MTMR12: variants seen among roughly 807,000 people sequenced by gnomAD.
MTMR12 encodes myotubularin-related protein 12.
MTMR12 carries 33 observed loss-of-function variants against 96.7 expected under a neutral mutation model. The ratio of observed to expected loss-of-function variants is 0.34; its 90% CI spans 0.26 to 0.46. MTMR12 has a LOEUF of 0.46. Among genes scored for constraint, MTMR12 ranks in the 20% least tolerant of loss-of-function variants. The pLI is 1.00. For missense variants in MTMR12, 721 were observed against 896.1 expected (o/e 0.80, Z 2.49); for synonymous variants, 298 against 327.2 (o/e 0.91, Z 0.96).
At chr5:32,245,789 C>A (rs186941792) in intron 10 of MTMR12, among the ~76,000 whole-genome samples, 2 of 152,014 alleles carry the variant, frequency 1.3e-5, no homozygotes, top group African/African-American at 4.8e-5. Flanking sequence ...GATCACACCA[C>A]TGCACTCCAG....
At chr5:32,242,675 C>A (rs982090155) in intron 11 of MTMR12, among the ~76,000 whole-genome samples, 4 of 151,812 alleles carry the variant, frequency 2.6e-5, no homozygotes, top group African/African-American at 7.3e-5. Context: ...TCCTACCCCC[C>A]AGCCACCTTC....
Position 32,230,385 on chromosome 5 carries a change from A to C in MTMR12, c.1675-38T>G, listed in dbSNP as rs1001540919. Reference sequence around the variant, plus strand: ...ACACAAATAAAAATCACTGGTTAACATAACAGGCACAGTTAACAGCTGTTA... The same window carrying C: ...ACACAAATAAAAATCACTGGTTAACCTAACAGGCACAGTTAACAGCTGTTA... On this transcript the variant is annotated intron_variant, in intron 15 of 15. Coordinates refer to ENST00000382142, the MANE Select transcript of MTMR12 (RefSeq NM_001040446.3). 3.9e-6 allele frequency: 6 copies of C among 1,531,670 alleles called. No homozygotes were observed. In the African/African-American group the frequency reaches 8.3e-5, roughly 21 times the overall value. The allele number at this position is 1,531,670 out of a possible 1,614,324, so 94.9% of individuals were successfully genotyped here.
rs1277261435 is a variant in MTMR12 at position 32,274,048 on chromosome 5, C to T, written c.217G>A (p.Gly73Arg). 1 of 1,614,192 alleles carries T rather than the reference C, an allele frequency of 6.2e-7. No homozygotes were observed. Among genetic ancestry groups the T allele is most frequent in the Non-Finnish European group, 8.5e-7 (1 of 1,180,034 alleles). ...TTGAAGTCTGTGCAGACAAGCCTCC[C>T]ATAGACCCCATGCTGACAGGAATCT... is the stretch of plus-strand genomic sequence containing the variant. Reference protein sequence around the residue: ...QEDSCQHGVYGRLVCTDFKIA... With the variant: ...QEDSCQHGVYRRLVCTDFKIA... Residue 73 changes from glycine (G) to arginine (R), a missense_variant, in exon 3 of 16, where the codon GGG becomes AGG. By Grantham distance (125) the Gly-to-Arg change is moderately radical. Transcript: ENST00000382142.
intron 1 of MTMR12, among the ~76,000 whole-genome samples, chr5:32,293,119 AT>A (rs1285259388): frequency 1.3e-5 from 2 of 152,188 alleles, no homozygotes; most frequent in Non-Finnish European, 2.9e-5. Flanking sequence ...TTTGAAGATT[AT>A]GTGTGATCTC....
At chr5:32,271,029 A>G in intron 4 of MTMR12, 82 bp from the exon 5 acceptor site, 2 of 1,425,762 alleles carry the variant, frequency 1.4e-6, no homozygotes, top group Non-Finnish European at 1.9e-6. Flanking sequence ...GTAGATGATC[A>G]ACTTCTAGGG....
chr5:32,272,245 C>T (rs1044013597), intron 3 of MTMR12, among the ~76,000 whole-genome samples: 10 of 151,854 alleles, frequency 6.6e-5, no homozygotes, highest in South Asian at 6.3e-4. Flanking sequence ...CAGCCGAGAT[C>T]GCACCACTGC....
At position 32,276,720 on chromosome 5, in the gene MTMR12, T is replaced by C. The variant is rs1335689278; in HGVS notation, c.104A>G (p.Glu35Gly). 5.6e-6 allele frequency: 9 copies of C among 1,613,964 alleles called. No homozygotes were observed. Among genetic ancestry groups the C allele is most frequent in the East Asian group, 2.2e-5 (1 of 44,860 alleles). Residue 35 changes from glutamate (E) to glycine (G), a missense_variant, in exon 2 of 16, where the codon GAA becomes GGA. Physicochemically the swap from Glu to Gly is moderately conservative, Grantham distance 98. Transcript: ENST00000382142. ...AAGAGTTACTTCCTTCTCTGTTACT[T>C]CCTTTTCGTTTGTGTGAATTTCCTA... is the stretch of plus-strand genomic sequence containing the variant. The part of the protein sequence containing the change: ...RPEEIHTNEK[E>G]VTEKEVTLHL...
chr5:32,266,056 G>A (rs1022423502), intron 6 of MTMR12, among the ~76,000 whole-genome samples: 1 of 151,986 alleles, frequency 6.6e-6, no homozygotes, highest in Admixed American at 6.6e-5. Context: ...CAATCCCTCT[G>A]CCCAAAATAC....
chr5:32,248,698 T>C (rs1581600042), intron 9 of MTMR12, 74 bp downstream of exon 9: 3 of 1,117,590 alleles, frequency 2.7e-6, no homozygotes, highest in East Asian at 2.4e-5. Flanking sequence ...GAAATAGACA[T>C]ACTACTAAGA....
intron 8 of MTMR12, among the ~76,000 whole-genome samples, chr5:32,250,750 A>G (rs1000716536): frequency 1.3e-5 from 2 of 152,264 alleles, no homozygotes; most frequent in South Asian, 2.1e-4. Flanking sequence ...CTCATTTTCC[A>G]TCTGGGGCAC....
Position 32,228,372 on chromosome 5 carries a change from G to A in MTMR12, c.*1406C>T, listed in dbSNP as rs1186666670. ...CATTCAAATTGGGATCCATACTGAA[G>A]AGCAAATATATGTAAAAGGCGAACA... On this transcript the variant is annotated 3_prime_UTR_variant, in exon 16 of 16. Transcript: ENST00000382142. 1 of 151,604 alleles carries A rather than the reference G, an allele frequency of 6.6e-6. No individual in the cohort carries two copies. Among genetic ancestry groups the A allele is most frequent in the African/African-American group, 2.4e-5 (1 of 41,230 alleles). The allele number at this position is 151,604 out of a possible 1,614,324, so 9.4% of individuals were successfully genotyped here. A position where few individuals can be genotyped will look rare whatever the true frequency, so the allele number is the denominator to read the frequency against.
At chr5:32,280,674 G>A (rs1380050528) in intron 1 of MTMR12, among the ~76,000 whole-genome samples, 1 of 152,112 alleles carries the variant, frequency 6.6e-6, no homozygotes, top group Non-Finnish European at 1.5e-5. Flanking sequence ...ACTAAAAACA[G>A]AAAGAATACC....
At chr5:32,279,094 AAAAAAAAAAAAAAAAAAAAAAG>A (rs1750180483) in intron 1 of MTMR12, among the ~76,000 whole-genome samples, 1 of 65,652 alleles carries the variant, frequency 1.5e-5, no homozygotes, top group Admixed American at 1.5e-4. Context: ...AAAAAAAAAA[AAAAAAAAAAAAAAAAAAAAAAG>A]TAAGTTATGG....
At chr5:32,249,896 C>G (rs1483251912) in intron 8 of MTMR12, among the ~76,000 whole-genome samples, 1 of 152,166 alleles carries the variant, frequency 6.6e-6, no homozygotes, top group Non-Finnish European at 1.5e-5. Context: ...TGCATAAAGG[C>G]CTGGCTAAGT....
rs1371907495 is a variant in MTMR12, at chr5:32,274,059, T to C, written c.206A>G (p.His69Arg). ...LKYVQEDSCQ[H>R]GVYGRLVCTD... ...GCAGACAAGCCTCCCATAGACCCCA[T>C]GCTGACAGGAATCTTCCTGGACATA... The change falls in exon 3 of 16, where the codon CAT (histidine) becomes CGT (arginine). Residue 69 changes from histidine (H) to arginine (R), a missense_variant. By Grantham distance (29) the His-to-Arg change is conservative. Coordinates refer to ENST00000382142, the MANE Select transcript of MTMR12 (RefSeq NM_001040446.3). 12 of 1,614,158 alleles carry C rather than the reference T, an allele frequency of 7.4e-6. No homozygotes were observed. Among genetic ancestry groups the C allele is most frequent in the African/African-American group, 1.3e-5 (1 of 75,036 alleles).
At chr5:32,287,492 G>A (rs575181834) in intron 1 of MTMR12, among the ~76,000 whole-genome samples, 7 of 152,248 alleles carry the variant, frequency 4.6e-5, no homozygotes, top group African/African-American at 1.7e-4. Flanking sequence ...ACTACTGTGG[G>A]AACTTGTGAT....
intron 12 of MTMR12, among the ~76,000 whole-genome samples, chr5:32,239,515 G>A (rs1748380616): frequency 6.6e-6 from 1 of 152,206 alleles, no homozygotes; most frequent in Admixed American, 6.5e-5. Flanking sequence ...CCCACATAAT[G>A]ATGACCTGCC....
At chr5:32,302,092 C>A (rs189517742) in intron 1 of MTMR12, among the ~76,000 whole-genome samples, 93 of 152,050 alleles carry the variant, frequency 6.1e-4, no homozygotes, top group Middle Eastern at 3.4e-3. Context: ...CCCTATCTTA[C>A]GGCTGAAATC....
chr5:32,293,612 C>G (rs935701182), intron 1 of MTMR12, among the ~76,000 whole-genome samples: 1 of 152,154 alleles, frequency 6.6e-6, no homozygotes, highest in African/African-American at 2.4e-5. Flanking sequence ...CTAATACAGG[C>G]TAACACTCAC....
Sources: gnomAD v4.1 joint callset for allele counts (sites outside exome capture counted in the v4.1 genomes callset) on GRCh38, gnomAD v4.1.1 for gene constraint, MANE v1.5 for transcripts, NCBI Gene and HGNC (gene_info 2026-07-23, HGNC 2026-07-21) for gene names.